ADAMTSL1: variants seen among roughly 807,000 people sequenced by gnomAD.
ADAMTSL1 encodes ADAMTS like 1.
Under a neutral mutation model 201.8 loss-of-function variants are expected in ADAMTSL1, and 126 were observed. That is an observed-to-expected ratio of 0.62 (90% CI 0.54 to 0.72). The LOEUF is 0.72. ADAMTSL1 is among the 30% of genes least tolerant of loss of function. ADAMTSL1 has a pLI of 0.00. For missense variants in ADAMTSL1, 2,679 were observed against 2,277.8 expected (o/e 1.18, Z -3.59); for synonymous variants, 1,121 against 903.4 (o/e 1.24, Z -4.32).
At chr9:18,878,961 A>G (rs914918251) in intron 23 of ADAMTSL1, among the ~76,000 whole-genome samples, 17 of 152,202 alleles carry the variant, frequency 1.1e-4, no homozygotes, top group African/African-American at 4.1e-4. Flanking sequence ...GAAGTGTGGG[A>G]AAAGCAAATT....
chr9:18,814,068 A>G (rs928448843), intron 20 of ADAMTSL1, among the ~76,000 whole-genome samples: 1 of 152,174 alleles, frequency 6.6e-6, no homozygotes, highest in Non-Finnish European at 1.5e-5. Context: ...CTTTCTTATA[A>G]TAGCCATTCT....
At chr9:18,861,725 C>A (rs1036409481) in intron 23 of ADAMTSL1, among the ~76,000 whole-genome samples, 1 of 152,110 alleles carries the variant, frequency 6.6e-6, no homozygotes, top group African/African-American at 2.4e-5. Flanking sequence ...CTTGAAAAAC[C>A]ATTCGCTCTT....
At chr9:18,712,549 A>G (rs1420659288) in intron 14 of ADAMTSL1, among the ~76,000 whole-genome samples, 2 of 152,104 alleles carry the variant, frequency 1.3e-5, no homozygotes, top group African/African-American at 4.8e-5. Context: ...AGTTTAGAGA[A>G]GAAAGAATCA....
intron 1 of ADAMTSL1, among the ~76,000 whole-genome samples, chr9:17,962,150 G>A (rs977069817): frequency 2.6e-5 from 4 of 152,138 alleles, no homozygotes; most frequent in Non-Finnish European, 5.9e-5. Context: ...ATGAGACTAC[G>A]TCTTGACCTT....
intron 4 of ADAMTSL1, among the ~76,000 whole-genome samples, chr9:18,588,078 A>G (rs1007376549): frequency 6.6e-6 from 1 of 152,158 alleles, no homozygotes; most frequent in Non-Finnish European, 1.5e-5. Context: ...GTACTACTTC[A>G]CATTCCCACC....
At chr9:18,574,572 A>C in intron 4 of ADAMTSL1, 1 of 516,280 alleles carries the variant, frequency 1.9e-6, no homozygotes, top group Non-Finnish European at 3.4e-6. Flanking sequence ...TGGATTGGCT[A>C]TTCCTGAAGT....
intron 3 of ADAMTSL1, among the ~76,000 whole-genome samples, chr9:18,549,552 T>G (rs529400363): frequency 6.6e-6 from 1 of 152,088 alleles, no homozygotes; most frequent in African/African-American, 2.4e-5. Context: ...AGTGTGTATA[T>G]GTATGTATGT....
chr9:18,410,033 T>C (rs1301906000), intron 2 of ADAMTSL1, among the ~76,000 whole-genome samples: 1 of 151,912 alleles, frequency 6.6e-6, no homozygotes, highest in Non-Finnish European at 1.5e-5. Flanking sequence ...TATTTTAATA[T>C]TGAGCTTGGC....
intron 2 of ADAMTSL1, among the ~76,000 whole-genome samples, chr9:18,206,275 G>T (rs1381958131): frequency 6.6e-6 from 1 of 151,942 alleles, no homozygotes; most frequent in African/African-American, 2.4e-5. Flanking sequence ...TTGATTTGAG[G>T]AATTTGCCAG....
At chr9:18,032,660 A>G (rs539329005) in intron 1 of ADAMTSL1, among the ~76,000 whole-genome samples, 93 of 152,300 alleles carry the variant, frequency 6.1e-4, no homozygotes, top group African/African-American at 2.2e-3. Flanking sequence ...GTTTTGCTGT[A>G]GCTGCCCCTT....
intron 2 of ADAMTSL1, among the ~76,000 whole-genome samples, chr9:18,212,455 A>T (rs1156736389): frequency 1.3e-5 from 2 of 152,256 alleles, no homozygotes; most frequent in Non-Finnish European, 2.9e-5. Context: ...TAAATGAAAC[A>T]ACTTCATAGA....
intron 2 of ADAMTSL1, among the ~76,000 whole-genome samples, chr9:18,399,306 T>TAC (rs945346574): frequency 2.3e-4 from 26 of 114,718 alleles, no homozygotes; most frequent in Non-Finnish European, 3.5e-4. Context: ...TATATATATA[T>TAC]ATATATATAT....
At chr9:18,187,654 T>C (rs1055690719) in intron 2 of ADAMTSL1, among the ~76,000 whole-genome samples, 6 of 152,168 alleles carry the variant, frequency 3.9e-5, no homozygotes, top group Non-Finnish European at 7.4e-5. Flanking sequence ...CTTTTTAATA[T>C]ATATTTGGAC....
chr9:18,365,027 C>T (rs1836706802), intron 2 of ADAMTSL1, among the ~76,000 whole-genome samples: 1 of 152,106 alleles, frequency 6.6e-6, no homozygotes, highest in Non-Finnish European at 1.5e-5. Flanking sequence ...CAGAACCAAA[C>T]CATATCAGTG....
At chr9:18,434,396 A>G (rs1819632534) in intron 2 of ADAMTSL1, among the ~76,000 whole-genome samples, 1 of 152,200 alleles carries the variant, frequency 6.6e-6, no homozygotes, top group East Asian at 1.9e-4. Context: ...TTTTATGGAA[A>G]CCTACAGTAC....
intron 7 of ADAMTSL1, among the ~76,000 whole-genome samples, chr9:18,645,332 G>C (rs896898611): frequency 1.3e-5 from 2 of 152,180 alleles, no homozygotes; most frequent in African/African-American, 4.8e-5. Flanking sequence ...CTCCCGTTTT[G>C]TAGGTTGCCT....
At chr9:18,580,539 T>C (rs375117831) in intron 4 of ADAMTSL1, among the ~76,000 whole-genome samples, 58 of 152,324 alleles carry the variant, frequency 3.8e-4, no homozygotes, top group African/African-American at 1.3e-3. Context: ...ATTCTGCTCT[T>C]TTCATAGCAT....
At chr9:18,863,087 G>A (rs1044661721) in intron 23 of ADAMTSL1, among the ~76,000 whole-genome samples, 4 of 152,138 alleles carry the variant, frequency 2.6e-5, no homozygotes, top group African/African-American at 9.7e-5. Flanking sequence ...GAAGCATGCT[G>A]TTTAACACGG....
At chr9:18,161,100 A>G (rs10810913) in intron 1 of ADAMTSL1, among the ~76,000 whole-genome samples, 66,716 of 151,646 alleles carry the variant, frequency 0.44, 14,967 homozygotes, top group Admixed American at 0.54. Context: ...AAATGTGAGC[A>G]TTTCTTGGGA....
Sources: gnomAD v4.1 joint callset for allele counts (sites outside exome capture counted in the v4.1 genomes callset) on GRCh38, gnomAD v4.1.1 for gene constraint, MANE v1.5 for transcripts, NCBI Gene and HGNC (gene_info 2026-07-23, HGNC 2026-07-21) for gene names.